Variants in SPATA24 observed in about 807,000 individuals in gnomAD.
SPATA24 encodes the protein spermatogenesis-associated protein 24.
In SPATA24, 21 loss-of-function variants were observed where a neutral mutation model predicts 28.9. That is an observed-to-expected ratio of 0.73 (90% CI 0.52 to 1.05). The LOEUF (loss-of-function observed/expected upper bound fraction) is 1.05. Among genes scored for constraint, SPATA24 ranks in the 50% least tolerant of loss-of-function variants. The probability of loss-of-function intolerance (pLI) is 0.00; values close to 1 mark genes in which losing one functional copy is unlikely to be tolerated. For synonymous variants in SPATA24, 76 were observed against 89.9 expected, an observed-to-expected ratio of 0.85 and a Z score of 0.88; for missense variants, 215 against 242.9, an observed-to-expected ratio of 0.88 and a Z score of 0.76.
chr5:139,396,578 G>C (rs1561991180), downstream of SPATA24: 3 of 1,371,584 alleles, frequency 2.2e-6, no homozygotes, highest in Non-Finnish European at 2.8e-6. Context: ...TGGGTAACCA[G>C]GGCTGTTTAT....
intron 4 of SPATA24, chr5:139,401,432 G>C (rs750883937): frequency 4.9e-6 from 3 of 606,236 alleles, no homozygotes; most frequent in Non-Finnish European, 8.8e-6. Flanking sequence ...CTTGCCCTGT[G>C]TTCCTCTTGT....
intron 4 of SPATA24, among the ~76,000 whole-genome samples, chr5:139,400,886 G>A (rs770646389): frequency 7.2e-5 from 11 of 152,114 alleles, no homozygotes; most frequent in Non-Finnish European, 8.8e-5. Flanking sequence ...GGCTGGGTGC[G>A]GTGGCTCACG....
At chr5:139,394,755 C>T (rs1190568364), downstream of SPATA24, 1 of 1,533,054 alleles carries the variant, frequency 6.5e-7, no homozygotes, top group South Asian at 1.2e-5. Context: ...CTTCCATCTC[C>T]CCCGACGGCA....
chr5:139,392,678 C>T (rs1297209245), downstream of SPATA24: 1 of 1,396,204 alleles, frequency 7.2e-7, no homozygotes, highest in Non-Finnish European at 9.3e-7. The surrounding 1 kb of genome is among the most constrained non-coding windows in gnomAD (Gnocchi z 5.8). Context: ...TGAGGGGAGC[C>T]GGGGCGGGGC....
At chr5:139,397,625 G>A (rs1476730885) in intron 4 of SPATA24, among the ~76,000 whole-genome samples, 1 of 151,726 alleles carries the variant, frequency 6.6e-6, no homozygotes, top group Non-Finnish European at 1.5e-5. Flanking sequence ...CATGATCTTG[G>A]CTCACTGCAA....
downstream of SPATA24, chr5:139,394,503 C>T (rs1389042083): frequency 7.0e-7 from 1 of 1,431,666 alleles, no homozygotes; most frequent in Non-Finnish European, 9.1e-7. Context: ...CGCCCTCCTC[C>T]AGAGCCACCT....
At chr5:139,394,078 A>T, downstream of SPATA24, 1 of 1,550,906 alleles carries the variant, frequency 6.4e-7, no homozygotes, top group Non-Finnish European at 8.7e-7. Context: ...AACAGGACCC[A>T]GCGGCTCCGT....
chr5:139,398,622 A>G (rs906014484), intron 4 of SPATA24, among the ~76,000 whole-genome samples: 3 of 152,106 alleles, frequency 2.0e-5, no homozygotes, highest in African/African-American at 7.2e-5. Context: ...TTGGATCAAA[A>G]TCCAAGGAGG....
downstream of SPATA24, chr5:139,395,070 C>T: frequency 2.1e-6 from 3 of 1,407,518 alleles, no homozygotes; most frequent in South Asian, 1.6e-5. Flanking sequence ...GCGGGGCGAG[C>T]GCGGTCAGCA....
chr5:139,402,664 A>G lies in SPATA24; in HGVS notation c.147T>C (p.Ser49=). 6.4e-7 allele frequency: 1 copy of G among 1,551,846 alleles called. No homozygotes were observed. Among genetic ancestry groups the G allele is most frequent in the Non-Finnish European group, 8.7e-7 (1 of 1,147,008 alleles). ...TCTCCACTGCCTGGAACTCTTCTTT[A>G]CTGACAAAATTTTCGTCCTGGAGAA... ...VMVLQDENFV[S]KEEFQAVEKK... The change falls in exon 2 of 6, where the codon AGT becomes AGC. Residue 49 remains serine, a synonymous_variant. Transcript: ENST00000450845.
chr5:139,394,959 C>T (rs1758672066), downstream of SPATA24: 3 of 1,521,474 alleles, frequency 2.0e-6, no homozygotes, highest in African/African-American at 1.4e-5. Context: ...CCGGGGGCTC[C>T]GGAGAACCTG....
At chr5:139,395,475 G>C (rs1461829868), downstream of SPATA24, 2 of 189,118 alleles carry the variant, frequency 1.1e-5, no homozygotes, top group African/African-American at 4.7e-5. Context: ...TGCAGTTCAG[G>C]CTGTGAGCGG....
rs192338017 is a variant in SPATA24 at position 139,398,840 on chromosome 5, A to G, written c.386-1697T>C. 7.2e-5 allele frequency among the ~76,000 whole-genome samples: 7 copies of G among 97,208 alleles called. 1 individual carries two copies. Among genetic ancestry groups the G allele is most frequent in the African/African-American group, 1.9e-4 (3 of 16,064 alleles). The allele number at this position is 97,208 out of a possible 152,430, so 63.8% of individuals were successfully genotyped here. The stretch of plus-strand genomic sequence containing the variant: ...GGAGTTTGAGACCAGCCTGGCCAAC[A>G]TGGTAAAACCCCGTCTCTACTAAAA... On this transcript the variant is annotated intron_variant, in intron 4 of 5. Coordinates refer to ENST00000450845, the MANE Select transcript of SPATA24 (RefSeq NM_194296.2).
chr5:139,396,734 GA>G (rs1415214397), downstream of SPATA24: 1 of 1,550,726 alleles, frequency 6.4e-7, no homozygotes, highest in African/African-American at 1.4e-5. Flanking sequence ...AGAGGCTGGG[GA>G]CTCCCAGAGC....
downstream of SPATA24, chr5:139,394,968 T>C (rs768183383): frequency 6.6e-7 from 1 of 1,520,094 alleles, no homozygotes; most frequent in Non-Finnish European, 8.8e-7. Context: ...CCGGAGAACC[T>C]GGAGCCGTGT....
At chr5:139,393,781 G>A (rs188206715), downstream of SPATA24, 758 of 1,551,470 alleles carry the variant, frequency 4.9e-4, 6 homozygotes, top group Non-Finnish European at 1.4e-4. Context: ...CCACTCGGAG[G>A]AGGCTTCAGG....
chr5:139,394,893 C>T (rs1427652936), downstream of SPATA24: 45 of 1,511,626 alleles, frequency 3.0e-5, no homozygotes, highest in Non-Finnish European at 3.7e-5. Flanking sequence ...CGCCCGCCCC[C>T]CGCCCAGGAG....
chr5:139,400,508 A>G (rs1758799225), intron 4 of SPATA24, among the ~76,000 whole-genome samples: 1 of 151,872 alleles, frequency 6.6e-6, no homozygotes. Flanking sequence ...GGGTTTCACC[A>G]TGTTGGCCAG....
At chr5:139,396,169 C>G, downstream of SPATA24, 1 of 985,374 alleles carries the variant, frequency 1.0e-6, no homozygotes. Context: ...AATCTGACCC[C>G]TGAAGTGGGT....
Sources: gnomAD v4.1 joint callset for allele counts (sites outside exome capture counted in the v4.1 genomes callset) on GRCh38, gnomAD v4.1.1 for gene constraint, Gnocchi (gnomAD v3.1) non-coding constraint, MANE v1.5 for transcripts, NCBI Gene and HGNC (gene_info 2026-07-23, HGNC 2026-07-21) for gene names.